STK40: variants seen among roughly 807,000 people sequenced by gnomAD.
STK40 encodes serine/threonine-protein kinase 40.
In STK40, 13 loss-of-function variants were observed where a neutral mutation model predicts 47.9. The ratio of observed to expected loss-of-function variants is 0.27; its 90% CI spans 0.18 to 0.43. The LOEUF (loss-of-function observed/expected upper bound fraction) is 0.43. Ranked by LOEUF, STK40 falls within the 20% of genes least tolerant of loss-of-function variation. The pLI, the probability that STK40 is intolerant of heterozygous loss-of-function variation, is 1.00. For missense variants in STK40, 460 were observed against 595.1 expected (o/e 0.77, Z 2.36); for synonymous variants, 225 against 243.2 (o/e 0.93, Z 0.69).
intron 1 of STK40, among the ~76,000 whole-genome samples, chr1:36,378,660 T>C (rs923194065): frequency 6.6e-6 from 1 of 152,132 alleles, no homozygotes; most frequent in African/African-American, 2.4e-5. Flanking sequence ...GGTTTCACCA[T>C]GTTGGCCAGG....
intron 7 of STK40, among the ~76,000 whole-genome samples, chr1:36,347,397 C>T (rs577274487): frequency 6.8e-4 from 104 of 152,036 alleles, no homozygotes; most frequent in African/African-American, 2.2e-3. Context: ...GAAAGAGTTG[C>T]GAGAATGGGC....
rs906652810 is a variant in STK40 at position 36,343,592 on chromosome 1, G to T, written c.1005-144C>A. On this transcript the variant is annotated intron_variant, in intron 9 of 10. Coordinates refer to ENST00000373132, the MANE Select transcript of STK40 (RefSeq NM_001282547.2). ...GCCTCAGTTTTCTTATCCCATAAAG[G>T]GGGACAATTTCTCCCTTACAGGTGG... is the stretch of plus-strand genomic sequence containing the variant. 5 of 996,728 alleles carry T rather than the reference G, an allele frequency of 5.0e-6. No individual in the cohort carries two copies. The African/African-American group carries it at 8.2e-5, about 16-fold the overall frequency. The allele number at this position is 996,728 out of a possible 1,614,324, so 61.7% of individuals were successfully genotyped here.
intron 1 of STK40, among the ~76,000 whole-genome samples, chr1:36,378,237 G>C (rs1412000832): frequency 1.3e-5 from 2 of 152,158 alleles, no homozygotes; most frequent in African/African-American, 4.8e-5. Context: ...TGGACTCCCT[G>C]GGACCAGAGC....
At chr1:36,352,503 A>G (rs180816718) in intron 6 of STK40, among the ~76,000 whole-genome samples, 1 of 152,180 alleles carries the variant, frequency 6.6e-6, no homozygotes, top group Admixed American at 6.5e-5. Flanking sequence ...GGTCTCCAAG[A>G]TAACGAAGAA....
intron 1 of STK40, among the ~76,000 whole-genome samples, chr1:36,382,600 T>G (rs1647049596): frequency 6.6e-6 from 1 of 152,174 alleles, no homozygotes; most frequent in Non-Finnish European, 1.5e-5. Flanking sequence ...CTGGGTAAAC[T>G]CCCCTTAGAT....
In STK40 at chr1:36,341,782, G is replaced by A. The variant is rs1210024474; in HGVS notation, c.1281C>T (p.Ile427=). The change falls in exon 11 of 11, where the codon ATC becomes ATT. Residue 427 remains isoleucine (I), a synonymous_variant. Coordinates refer to ENST00000373132, the MANE Select transcript of STK40 (RefSeq NM_001282547.2). ...AQPMTSLDTA[I]LAQRYLRK ...ATTTCCGCAGGTAGCGCTGCGCCAG[G>A]ATGGCCGTGTCCAAGGAGGTCATGG... The A allele has an allele frequency of 1.2e-6, 2 of 1,612,128 alleles. No homozygotes were observed. The highest frequency in any genetic ancestry group is 1.7e-6 in the Non-Finnish European group (2 of 1,179,722).
At chr1:36,346,974 G>A (rs1008681652) in intron 7 of STK40, among the ~76,000 whole-genome samples, 7 of 152,204 alleles carry the variant, frequency 4.6e-5, no homozygotes, top group Admixed American at 3.3e-4. Context: ...CATGGGGGTG[G>A]TGCCCCAGGA....
intron 6 of STK40, among the ~76,000 whole-genome samples, chr1:36,351,699 G>A (rs558522730): frequency 6.2e-5 from 8 of 128,010 alleles, no homozygotes; most frequent in African/African-American, 1.5e-4. Flanking sequence ...CAGCCACGCC[G>A]GCGTATGCAG....
At chr1:36,357,602 A>T (rs764134374) in intron 4 of STK40, among the ~76,000 whole-genome samples, 1 of 152,108 alleles carries the variant, frequency 6.6e-6, no homozygotes, top group Non-Finnish European at 1.5e-5. Context: ...TCAAAAAAAA[A>T]AATTTTAAAA....
chr1:36,347,778 G>A (rs1378998022), intron 7 of STK40, among the ~76,000 whole-genome samples: 5 of 151,538 alleles, frequency 3.3e-5, no homozygotes, highest in African/African-American at 1.2e-4. Flanking sequence ...TTAGCCTCCT[G>A]AGTAGCTTGG....
intron 1 of STK40, among the ~76,000 whole-genome samples, chr1:36,379,344 C>A (rs900629352): frequency 2.6e-5 from 4 of 152,096 alleles, no homozygotes; most frequent in Non-Finnish European, 5.9e-5. Flanking sequence ...TGAACTCACA[C>A]CCAAGACTGA....
intron 1 of STK40, among the ~76,000 whole-genome samples, chr1:36,375,520 G>C (rs199625287): frequency 1.4e-5 from 2 of 147,784 alleles, no homozygotes; most frequent in Non-Finnish European, 3.0e-5. Flanking sequence ...AAAAAAAAAA[G>C]AGAAATGTTA....
At position 36,344,214 on chromosome 1, in the gene STK40, G is replaced by A; in HGVS notation, c.790C>T (p.Leu264Phe). The A allele has an allele frequency of 6.2e-7, 1 of 1,613,172 alleles. No homozygotes were observed. Among genetic ancestry groups the A allele is most frequent in the Non-Finnish European group, 8.5e-7 (1 of 1,179,714 alleles). ...PSDMWALGVV[L>F]FTMLYGQFPF... is the part of the protein sequence containing the mutation. Reference sequence around the variant, plus strand: ...AACTGGCCATACAGCATGGTGAAGAGCACCACGCCCAGGGCCCACATGTCA... The same window carrying A: ...AACTGGCCATACAGCATGGTGAAGAACACCACGCCCAGGGCCCACATGTCA... The change falls in exon 8 of 11, where the codon CTC (leucine) becomes TTC (phenylalanine). Residue 264 changes from leucine to phenylalanine, a missense_variant. Around this residue, in one of 3 missense-constraint regions of STK40, gnomAD observed 277 missense variants for 358.7 expected, o/e 0.77. Coordinates refer to ENST00000373132, the MANE Select transcript of STK40 (RefSeq NM_001282547.2).
intron 1 of STK40, among the ~76,000 whole-genome samples, chr1:36,380,283 A>C (rs1647028674): frequency 6.6e-6 from 1 of 152,124 alleles, no homozygotes; most frequent in Non-Finnish European, 1.5e-5. Flanking sequence ...CCAAGGACAA[A>C]TCATGTAAAA....
chr1:36,358,500 C>T (rs1346538739), intron 3 of STK40, 118 bp from the exon 4 acceptor site: 3 of 1,364,986 alleles, frequency 2.2e-6, no homozygotes, highest in African/African-American at 1.4e-5. Flanking sequence ...ACAATGCACA[C>T]ACAAACACAC....
intron 1 of STK40, among the ~76,000 whole-genome samples, chr1:36,371,085 C>A (rs959541859): frequency 6.6e-6 from 1 of 151,750 alleles, no homozygotes; most frequent in African/African-American, 2.4e-5. Context: ...CCATATTGAC[C>A]AGGCTGTTCT....
chr1:36,380,573 G>C (rs377617866), intron 1 of STK40, among the ~76,000 whole-genome samples: 29 of 152,324 alleles, frequency 1.9e-4, no homozygotes, highest in African/African-American at 6.5e-4. Flanking sequence ...TCTCCAGGGG[G>C]CACTGAGAAA....
intron 1 of STK40, among the ~76,000 whole-genome samples, chr1:36,364,050 C>T (rs958912175): frequency 4.0e-5 from 6 of 151,668 alleles, no homozygotes; most frequent in African/African-American, 1.5e-4. Flanking sequence ...ACTCGGGAGG[C>T]TGAGGCAGGA....
intron 6 of STK40, among the ~76,000 whole-genome samples, chr1:36,352,264 C>T (rs931831902): frequency 6.6e-6 from 1 of 152,174 alleles, no homozygotes; most frequent in Non-Finnish European, 1.5e-5. Flanking sequence ...TGTCTCTCAG[C>T]GACAGGCTCT....
Sources: gnomAD v4.1 joint callset for allele counts (sites outside exome capture counted in the v4.1 genomes callset) on GRCh38, gnomAD v4.1.1 for gene constraint, gnomAD v4.1.1 regional missense constraint, MANE v1.5 for transcripts, NCBI Gene and HGNC (gene_info 2026-07-23, HGNC 2026-07-21) for gene names.